The following RARB variants were observed in gnomAD, a reference collection of about 807,000 sequenced individuals.
RARB encodes retinoic acid receptor beta, also known as HBV-activated protein.
RARB carries 17 observed loss-of-function variants against 51.9 expected under a neutral mutation model. The observed-to-expected ratio is 0.33, with a 90% confidence interval of 0.22 to 0.49. The LOEUF (loss-of-function observed/expected upper bound fraction) is 0.49. Ranked by LOEUF, RARB falls within the 20% of genes least tolerant of loss-of-function variation. The pLI, the probability that RARB is intolerant of heterozygous loss-of-function variation, is 0.99. For synonymous variants in RARB, 215 were observed against 195.4 expected (o/e 1.10, Z -0.84); for missense variants, 369 against 550.8 (o/e 0.67, Z 3.30).
intron 2 of RARB, among the ~76,000 whole-genome samples, chr3:25,008,835 C>G (rs1465281973): frequency 6.6e-6 from 1 of 152,094 alleles, no homozygotes; most frequent in Admixed American, 6.6e-5. Context: ...CAGCCAATGG[C>G]AAATATTTTG....
chr3:25,193,490 C>T (rs1270086796), intron 5 of RARB, among the ~76,000 whole-genome samples: 2 of 151,970 alleles, frequency 1.3e-5, no homozygotes, highest in South Asian at 2.1e-4. Context: ...TCTGATTGTG[C>T]TTTTTATTGT....
intron 2 of RARB, among the ~76,000 whole-genome samples, chr3:24,972,101 A>G (rs1696412560): frequency 6.6e-6 from 1 of 151,782 alleles, no homozygotes; most frequent in South Asian, 2.1e-4. Flanking sequence ...CTTTCTTCTA[A>G]CTGTATATTT....
At chr3:24,846,751 T>C (rs1994909) in intron 1 of RARB, among the ~76,000 whole-genome samples, 131,511 of 152,116 alleles carry the variant, frequency 0.86, 57,253 homozygotes, top group South Asian at 0.95. Context: ...AGGGCAAATG[T>C]TCCTTCACTG....
intron 2 of RARB, among the ~76,000 whole-genome samples, chr3:24,869,001 G>A (rs1702899007): frequency 6.6e-6 from 1 of 152,142 alleles, no homozygotes; most frequent in African/African-American, 2.4e-5. Flanking sequence ...CCATGTCAAA[G>A]GCCTTTGGTG....
At chr3:25,165,817 T>C (rs1287580257) in intron 4 of RARB, among the ~76,000 whole-genome samples, 1 of 152,196 alleles carries the variant, frequency 6.6e-6, no homozygotes, top group Non-Finnish European at 1.5e-5. Flanking sequence ...ACTACTCTCA[T>C]AGTTTATAGA....
intron 5 of RARB, among the ~76,000 whole-genome samples, chr3:25,209,284 T>G (rs560579381): frequency 6.6e-6 from 1 of 152,332 alleles, no homozygotes; most frequent in East Asian, 1.9e-4. Context: ...TCTTTGTTGT[T>G]TCTGAGCTAT....
intron 4 of RARB, among the ~76,000 whole-genome samples, chr3:25,167,295 A>T (rs1700576308): frequency 6.6e-6 from 1 of 152,332 alleles, no homozygotes; most frequent in African/African-American, 2.4e-5. Context: ...CCTGTTCTCA[A>T]ATCTTCACTA....
chr3:25,360,277 A>G (rs992253021), intron 5 of RARB, among the ~76,000 whole-genome samples: 4 of 152,118 alleles, frequency 2.6e-5, no homozygotes, highest in Non-Finnish European at 5.9e-5. Context: ...AGTCTGTTTT[A>G]TCAGAGACTA....
chr3:25,121,417 C>T (rs1575170031), intron 3 of RARB, among the ~76,000 whole-genome samples: 1 of 152,106 alleles, frequency 6.6e-6, no homozygotes, highest in East Asian at 1.9e-4. Flanking sequence ...TTTGATTCAA[C>T]TTTAATAGTT....
chr3:25,278,196 T>A (rs1232492969), intron 5 of RARB, among the ~76,000 whole-genome samples: 2 of 152,192 alleles, frequency 1.3e-5, no homozygotes, highest in Non-Finnish European at 2.9e-5. Flanking sequence ...TGGCGGTACA[T>A]GTGTACATCT....
At chr3:25,328,811 G>A (rs1181352242) in intron 5 of RARB, among the ~76,000 whole-genome samples, 1 of 152,176 alleles carries the variant, frequency 6.6e-6, no homozygotes, top group Non-Finnish European at 1.5e-5. Flanking sequence ...TGGAAAATTA[G>A]GACACTGCCA....
At chr3:25,110,809 T>C (rs1442826824) in intron 3 of RARB, among the ~76,000 whole-genome samples, 1 of 152,166 alleles carries the variant, frequency 6.6e-6, no homozygotes, top group Non-Finnish European at 1.5e-5. Context: ...CCACTCAAAT[T>C]GAATAATGTT....
chr3:24,962,959 T>G (rs1696174104), intron 2 of RARB, among the ~76,000 whole-genome samples: 1 of 152,170 alleles, frequency 6.6e-6, no homozygotes, highest in African/African-American at 2.4e-5. Context: ...TTTGCCGAAG[T>G]CACCCATCCA....
At chr3:25,387,849 A>G (rs541625932) in intron 5 of RARB, among the ~76,000 whole-genome samples, 1 of 152,218 alleles carries the variant, frequency 6.6e-6, no homozygotes, top group Non-Finnish European at 1.5e-5. Flanking sequence ...GCTCAGAAAT[A>G]TCCCAGCTTT....
chr3:24,974,334 G>T (rs1696464234), intron 2 of RARB, among the ~76,000 whole-genome samples: 1 of 152,020 alleles, frequency 6.6e-6, no homozygotes, highest in Non-Finnish European at 1.5e-5. Flanking sequence ...AATTTAGTTT[G>T]CCTAGTATTT....
At chr3:25,153,267 A>G (rs1700321454) in intron 4 of RARB, among the ~76,000 whole-genome samples, 1 of 152,198 alleles carries the variant, frequency 6.6e-6, no homozygotes, top group African/African-American at 2.4e-5. Context: ...ACAAAGACAC[A>G]GAGAAGTGTT....
At chr3:25,084,914 AT>A (rs1425047874) in intron 3 of RARB, among the ~76,000 whole-genome samples, 2 of 152,136 alleles carry the variant, frequency 1.3e-5, no homozygotes, top group Non-Finnish European at 2.9e-5. Context: ...TATTCCCTTA[AT>A]TATCGGCAGT....
intron 1 of RARB, among the ~76,000 whole-genome samples, chr3:25,458,674 T>TC (rs981563348): frequency 6.6e-6 from 1 of 152,198 alleles, no homozygotes; most frequent in African/African-American, 2.4e-5. Context: ...GATATCTTCA[T>TC]CCCAGATACC....
At chr3:25,186,643 A>G (rs908212108) in intron 5 of RARB, among the ~76,000 whole-genome samples, 9 of 152,118 alleles carry the variant, frequency 5.9e-5, no homozygotes, top group Admixed American at 3.9e-4. Flanking sequence ...TAGAAAGATA[A>G]TGAATGGAAA....
Sources: gnomAD v4.1 joint callset for allele counts (sites outside exome capture counted in the v4.1 genomes callset) on GRCh38, gnomAD v4.1.1 for gene constraint, MANE v1.5 for transcripts, NCBI Gene and HGNC (gene_info 2026-07-23, HGNC 2026-07-21) for gene names.